The following PDE4D variants were observed in gnomAD, a reference collection of about 807,000 sequenced individuals.
The protein encoded by PDE4D is phosphodiesterase 4D.
In PDE4D, 24 loss-of-function variants were observed where a neutral mutation model predicts 87.4. The observed-to-expected ratio is 0.27, with a 90% CI of 0.20 to 0.39. PDE4D has a LOEUF of 0.39. Among genes scored for constraint, PDE4D ranks in the 10% least tolerant of loss-of-function variants. The pLI is 1.00. For missense variants in PDE4D, 714 were observed against 1,041.0 expected (o/e 0.69, Z 4.32); for synonymous variants, 384 against 383.2 (o/e 1.00, Z -0.02).
At chr5:59,819,908 G>A (rs1020260548) in intron 1 of PDE4D, among the ~76,000 whole-genome samples, 1 of 152,114 alleles carries the variant, frequency 6.6e-6, no homozygotes, top group Admixed American at 6.5e-5. Context: ...GACAACAGAG[G>A]CGTTTTGAAA....
At chr5:59,387,765 AT>A (rs1290013899) in intron 1 of PDE4D, among the ~76,000 whole-genome samples, 1 of 152,142 alleles carries the variant, frequency 6.6e-6, no homozygotes, top group Non-Finnish European at 1.5e-5. Flanking sequence ...TAATATATAC[AT>A]TACCTCACAA....
At chr5:59,368,037 G>T (rs1463173114) in intron 1 of PDE4D, among the ~76,000 whole-genome samples, 1 of 152,212 alleles carries the variant, frequency 6.6e-6, no homozygotes, top group East Asian at 1.9e-4. Flanking sequence ...AAAACTTCAA[G>T]TATCCTTCCA....
chr5:59,134,076 T>G (rs1776680575), intron 5 of PDE4D, among the ~76,000 whole-genome samples: 1 of 151,024 alleles, frequency 6.6e-6, no homozygotes, highest in Admixed American at 6.6e-5. Flanking sequence ...TCCCTACTGC[T>G]GTTCCTTTCA....
intron 2 of PDE4D, among the ~76,000 whole-genome samples, chr5:60,074,695 G>C (rs1403176109): frequency 6.6e-6 from 1 of 152,038 alleles, no homozygotes; most frequent in East Asian, 1.9e-4. Flanking sequence ...TCCTCTGTTG[G>C]GTATGTACCT....
intron 2 of PDE4D, among the ~76,000 whole-genome samples, chr5:60,146,393 T>C (rs911356036): frequency 6.6e-6 from 1 of 152,218 alleles, no homozygotes; most frequent in Non-Finnish European, 1.5e-5. Flanking sequence ...AGATAGAACC[T>C]GCTGGATTGG....
intron 6 of PDE4D, among the ~76,000 whole-genome samples, chr5:59,028,910 T>C (rs955785415): frequency 2.0e-5 from 3 of 152,226 alleles, no homozygotes; most frequent in Non-Finnish European, 4.4e-5. Flanking sequence ...TTTTCTCATT[T>C]TGTTATTCAT....
At chr5:60,020,340 C>T (rs543542350) in intron 2 of PDE4D, among the ~76,000 whole-genome samples, 3 of 152,196 alleles carry the variant, frequency 2.0e-5, no homozygotes, top group Admixed American at 1.3e-4. Context: ...AAATGAGACA[C>T]AAAGTGAGCA....
chr5:60,440,823 C>T (rs568435666), intron 1 of PDE4D, among the ~76,000 whole-genome samples: 3 of 151,772 alleles, frequency 2.0e-5, no homozygotes, highest in Non-Finnish European at 4.4e-5. Context: ...TATGATTATC[C>T]CCATTTTTCA....
At chr5:60,179,597 G>T (rs978411354) in intron 2 of PDE4D, among the ~76,000 whole-genome samples, 2 of 151,936 alleles carry the variant, frequency 1.3e-5, no homozygotes, top group African/African-American at 4.8e-5. Flanking sequence ...AATTACTTAT[G>T]GTTCTCTTAC....
intron 1 of PDE4D, among the ~76,000 whole-genome samples, chr5:59,280,591 T>C (rs1430195228): frequency 6.6e-6 from 1 of 152,112 alleles, no homozygotes; most frequent in African/African-American, 2.4e-5. Context: ...TCTCTGCAAA[T>C]TTAACATTAT....
At chr5:60,098,004 T>A (rs751397958) in intron 2 of PDE4D, among the ~76,000 whole-genome samples, 1 of 151,926 alleles carries the variant, frequency 6.6e-6, no homozygotes, top group Non-Finnish European at 1.5e-5. Context: ...TCTGAATCTA[T>A]CTCCAGCACC....
At chr5:59,762,158 G>C (rs958041021) in intron 1 of PDE4D, among the ~76,000 whole-genome samples, 2 of 151,216 alleles carry the variant, frequency 1.3e-5, no homozygotes, top group African/African-American at 4.9e-5. Flanking sequence ...GTGTGTGTGT[G>C]TATATATAGG....
rs745648256 is a variant in PDE4D, at chr5:59,771,477, GAA to G, written c.455+121689_455+121690del. Among the ~76,000 whole-genome samples, 399 of 100,498 alleles carry G rather than the reference GAA, an allele frequency of 4.0e-3. 4 individuals carry two copies. The highest frequency in any genetic ancestry group is 6.3e-3 in the African/African-American group (157 of 24,962). The allele number at this position is 100,498 out of a possible 152,430, so 65.9% of individuals were successfully genotyped here. A position where few individuals can be genotyped will look rare whatever the true frequency, so the allele number is the denominator to read the frequency against. ...AGAAAGAAAGAAAGAAAGAAAGAAAGAAAGAAAGAGAGAGAGAGAGAGAAGAA... is the reference window on the plus strand; with the variant it reads ...AGAAAGAAAGAAAGAAAGAAAGAAAGAGAAAGAGAGAGAGAGAGAGAAGAA... On this transcript the variant is annotated intron_variant, in intron 1 of 14. Transcript: ENST00000340635.
At chr5:59,556,182 G>C (rs1818882851) in intron 1 of PDE4D, among the ~76,000 whole-genome samples, 5 of 152,164 alleles carry the variant, frequency 3.3e-5, no homozygotes, top group Admixed American at 3.3e-4. Context: ...GAGAGGCAGT[G>C]AGTGTCACAC....
chr5:60,301,942 T>G (rs1753938478), intron 1 of PDE4D, among the ~76,000 whole-genome samples: 1 of 152,216 alleles, frequency 6.6e-6, no homozygotes, highest in Non-Finnish European at 1.5e-5. Context: ...ATGTGGTTTT[T>G]GTCTTTAGTT....
At chr5:59,224,103 T>G (rs1036828973) in intron 1 of PDE4D, among the ~76,000 whole-genome samples, 8 of 112,924 alleles carry the variant, frequency 7.1e-5, no homozygotes, top group Non-Finnish European at 1.3e-4. Context: ...CTGGGCAACA[T>G]GATGAAACCC....
chr5:58,974,681 G>GATC lies in PDE4D; in HGVS notation c.2410_2412dup (p.Asp804dup). 2 of 1,571,302 alleles carry GATC rather than the reference G, an allele frequency of 1.3e-6. No individual in the cohort carries two copies. The highest frequency in any genetic ancestry group is 2.3e-5 in the South Asian group (2 of 86,626). On this transcript the variant is annotated inframe_insertion, in exon 15 of 15. Transcript: ENST00000340635. ...TTGCACTGTTACGTGTCAGGAGAAC[G>GATC]ATCATCTATGACACAGGCTTCAGGC...
intron 1 of PDE4D, among the ~76,000 whole-genome samples, chr5:59,267,713 A>C (rs1763079471): frequency 6.6e-6 from 1 of 152,134 alleles, no homozygotes; most frequent in African/African-American, 2.4e-5. Context: ...GAAGATTTGT[A>C]TTAGATATAA....
Position 59,426,602 on chromosome 5 carries a change from C to T in PDE4D, c.456-210634G>A, listed in dbSNP as rs183281796. Among the ~76,000 whole-genome samples the T allele has an allele frequency of 3.7e-3, 568 of 152,178 alleles. 1 individual carries two copies. The highest frequency in any genetic ancestry group is 5.5e-3 in the Non-Finnish European group (374 of 68,002). ...CTCCCACAAGCACCCCCCTACCACC[C>T]CACCCTGCCCCGACAGTAATGGTGT... On this transcript the variant is annotated intron_variant, in intron 1 of 14. Coordinates refer to ENST00000340635, the MANE Select transcript of PDE4D (RefSeq NM_001104631.2).
Sources: allele counts gnomAD v4.1 joint callset (sites outside exome capture counted in the v4.1 genomes callset), GRCh38; gene constraint gnomAD v4.1.1; transcripts MANE v1.5; gene names NCBI Gene and HGNC (gene_info 2026-07-23, HGNC 2026-07-21).